The following QRICH1 variants were observed in gnomAD, a reference collection of about 807,000 sequenced individuals.
The protein encoded by QRICH1 is transcriptional regulator QRICH1.
A neutral mutation model predicts 87.1 loss-of-function variants in QRICH1; 16 were observed. The observed-to-expected ratio is 0.18, with a 90% CI of 0.12 to 0.28. The LOEUF (loss-of-function observed/expected upper bound fraction) is 0.28. QRICH1 is among the 10% of genes least tolerant of loss of function. The pLI is 1.00. For synonymous variants in QRICH1, 367 were observed against 368.4 expected (o/e 1.00, Z 0.05); for missense variants, 647 against 951.7 (o/e 0.68, Z 4.21).
Position 49,045,211 on chromosome 3 carries a change from G to GTGCAGT in QRICH1, c.1672-708_1672-707insACTGCA, listed in dbSNP as rs1473399357. The stretch of plus-strand genomic sequence containing the variant: ...TCCTTCAAATAAGTAGTTAGTGCAG[G>GTGCAGT]GAACAATGAGAAGAAAACCTCTATG... On this transcript the variant is annotated intron_variant, in intron 5 of 9. Coordinates refer to ENST00000395443, the MANE Select transcript of QRICH1 (RefSeq NM_198880.3). Among the ~76,000 whole-genome samples, 5 of 151,556 alleles carry GTGCAGT rather than the reference G, an allele frequency of 3.3e-5. No homozygotes were observed. In the East Asian group the frequency reaches 9.7e-4, roughly 29 times the overall value.
At chr3:49,044,585 A>G (rs1575332491) in intron 5 of QRICH1, 81 bp from the exon 6 acceptor site, 1 of 1,023,986 alleles carries the variant, frequency 9.8e-7, no homozygotes, top group Non-Finnish European at 1.5e-6. Flanking sequence ...TTTTTCTACC[A>G]GTACTACTAT....
intron 6 of QRICH1, among the ~76,000 whole-genome samples, chr3:49,034,547 C>T (rs2093262902): frequency 6.6e-6 from 1 of 152,102 alleles, no homozygotes; most frequent in African/African-American, 2.4e-5. Flanking sequence ...CTCTTGGACT[C>T]AAAGACTCCT....
In QRICH1 at chr3:49,030,366, A is replaced by G; in HGVS notation, c.*86T>C. The G allele has an allele frequency of 7.5e-7, 1 of 1,333,662 alleles. No individual in the cohort carries two copies. The highest frequency in any genetic ancestry group is 1.0e-6 in the Non-Finnish European group (1 of 975,686). 82.6% of individuals were successfully genotyped at this position (1,333,662 alleles called of 1,614,324 possible). A position where few individuals can be genotyped will look rare whatever the true frequency, so the allele number is the denominator to read the frequency against. On this transcript the variant is annotated 3_prime_UTR_variant, in exon 10 of 10. Coordinates refer to ENST00000395443, the MANE Select transcript of QRICH1 (RefSeq NM_198880.3). ...CGTAACTACACCAATAAAAAAAAGA[A>G]AAAAAAAAATGGAGGCCTCTTCTTT...
rs761236500 is a variant in QRICH1, at chr3:49,050,736, C to CA, written c.1339-3491dup. ...ACAACAACAACAAAAACCTATTACT[C>CA]AAACAATTTCTTTGAAACAGTTCCA... On this transcript the variant is annotated intron_variant, in intron 3 of 9. Transcript: ENST00000395443. 1.1e-4 allele frequency among the ~76,000 whole-genome samples: 16 copies of CA among 152,012 alleles called. No homozygotes were observed. The East Asian group carries it at 2.9e-3, about 28-fold the overall frequency.
At chr3:49,087,908 T>C (rs1170863783) in intron 1 of QRICH1, among the ~76,000 whole-genome samples, 1 of 149,294 alleles carries the variant, frequency 6.7e-6, no homozygotes, top group African/African-American at 2.5e-5. Flanking sequence ...CTCCTTAAAA[T>C]GGAAATTGAT....
At chr3:49,079,076 T>C (rs1368083701) in intron 1 of QRICH1, among the ~76,000 whole-genome samples, 2 of 151,768 alleles carry the variant, frequency 1.3e-5, no homozygotes, top group African/African-American at 4.8e-5. Flanking sequence ...CTACAAAAAA[T>C]ATATAAAAAT....
intron 2 of QRICH1, among the ~76,000 whole-genome samples, chr3:49,069,107 ATTT>A (rs57230454): frequency 6.5e-5 from 8 of 124,026 alleles, no homozygotes; most frequent in African/African-American, 2.4e-4. Context: ...TATTATTATT[ATTT>A]TTTTTTTTTT....
chr3:49,057,844 A>G lies in QRICH1; in HGVS notation c.356T>C (p.Leu119Pro). 1 of 1,613,914 alleles carries G rather than the reference A, an allele frequency of 6.2e-7. No homozygotes were observed. Among genetic ancestry groups the G allele is most frequent in the South Asian group, 1.1e-5 (1 of 91,064 alleles). ...QQSPQQVSAQLSPQLTVHQPT... is the reference protein window; with the variant it reads ...QQSPQQVSAQPSPQLTVHQPT... ...CTGGTGAACGGTGAGTTGTGGGGAG[A>G]GCTGAGCCGAGACCTGTTGCGGAGA... Residue 119 changes from leucine to proline, a missense_variant, in exon 3 of 10, where the codon CTC becomes CCC. Physicochemically the swap from Leu to Pro is moderately conservative, Grantham distance 98. Around this residue, in one of 7 missense-constraint regions of QRICH1, gnomAD observed 156 missense variants for 164.5 expected, o/e 0.95. Transcript: ENST00000395443. The surrounding 1 kb of genome is among the most constrained non-coding windows in gnomAD (Gnocchi z 5.4).
intron 1 of QRICH1, among the ~76,000 whole-genome samples, chr3:49,090,964 T>C (rs762863439): frequency 2.0e-5 from 3 of 152,228 alleles, no homozygotes; most frequent in Non-Finnish European, 4.4e-5. Flanking sequence ...GGCTCACGCC[T>C]GTAATCCCAG....
intron 2 of QRICH1, among the ~76,000 whole-genome samples, chr3:49,073,602 G>A: frequency 6.6e-6 from 1 of 151,070 alleles, no homozygotes; most frequent in East Asian, 1.9e-4. Flanking sequence ...TCGTCTTTCA[G>A]AAAGTTTATC....
In QRICH1 at chr3:49,046,558, T is replaced by C; in HGVS notation, c.1538A>G (p.Gln513Arg). 1 of 1,613,302 alleles carries C rather than the reference T, an allele frequency of 6.2e-7. No individual in the cohort carries two copies. Among genetic ancestry groups the C allele is most frequent in the Non-Finnish European group, 8.5e-7 (1 of 1,179,806 alleles). Residue 513 changes from glutamine (Q) to arginine (R), a missense_variant, in exon 5 of 10, where the codon CAG becomes CGG. This residue lies in a region of QRICH1 where 187 missense variants were observed against 309.5 expected (regional missense o/e 0.60). Transcript: ENST00000395443. The stretch of plus-strand genomic sequence containing the variant: ...CACAGCAGAGGAGATGAGATCTTCC[T>C]GGAATCGCAGCAGTTGGCGCCCTGC... ...PIGRRQLLRF[Q>R]EDLISSAVAE...
At chr3:49,074,342 G>A (rs2041906674) in intron 2 of QRICH1, among the ~76,000 whole-genome samples, 1 of 151,982 alleles carries the variant, frequency 6.6e-6, no homozygotes, top group Non-Finnish European at 1.5e-5. Context: ...GGAGGCCGAG[G>A]TGGGCGGATC....
At chr3:49,056,664 C>T in intron 3 of QRICH1, 198 bp downstream of exon 3, 3 of 1,020,430 alleles carry the variant, frequency 2.9e-6, no homozygotes, top group Non-Finnish European at 2.9e-6. Context: ...TCTCATTTAC[C>T]TCCAGGTACC....
At chr3:49,089,188 T>C (rs929309633) in intron 1 of QRICH1, among the ~76,000 whole-genome samples, 5 of 151,660 alleles carry the variant, frequency 3.3e-5, no homozygotes, top group Admixed American at 2.6e-4. Flanking sequence ...TCTTCCCGAG[T>C]AGTTGGGATT....
intron 1 of QRICH1, among the ~76,000 whole-genome samples, chr3:49,089,250 G>C (rs920986521): frequency 6.6e-6 from 1 of 151,792 alleles, no homozygotes; most frequent in South Asian, 2.1e-4. Context: ...AGTAGAGACG[G>C]GATTTCACCA....
chr3:49,052,469 G>A (rs1575342546), intron 3 of QRICH1, among the ~76,000 whole-genome samples: 1 of 152,076 alleles, frequency 6.6e-6, no homozygotes, highest in East Asian at 1.9e-4. Flanking sequence ...CAGGCTCCAG[G>A]GCCAGCCCAT....
chr3:49,056,824 G>T, intron 3 of QRICH1, 38 bp downstream of exon 3: 1 of 1,613,936 alleles, frequency 6.2e-7, no homozygotes, highest in South Asian at 1.1e-5. Context: ...GGCCCTGAGG[G>T]ACCAGGCTGC....
intron 1 of QRICH1, among the ~76,000 whole-genome samples, chr3:49,080,966 C>CAAAAAAAAAA (rs34230924): frequency 4.0e-5 from 1 of 24,798 alleles, no homozygotes; most frequent in Admixed American, 6.3e-4. Context: ...AACTCCATCT[C>CAAAAAAAAAA]AAAAAAAAAA....
At chr3:49,037,732 C>CAA (rs1335399505) in intron 6 of QRICH1, among the ~76,000 whole-genome samples, 1 of 130,426 alleles carries the variant, frequency 7.7e-6, no homozygotes, top group African/African-American at 2.8e-5. Context: ...ACTCTGTATC[C>CAA]AAAAAAAAAA....
Sources: allele counts gnomAD v4.1 joint callset (sites outside exome capture counted in the v4.1 genomes callset), GRCh38; gene constraint gnomAD v4.1.1; regional missense constraint gnomAD v4.1.1; non-coding constraint Gnocchi (gnomAD v3.1); transcripts MANE v1.5; gene names NCBI Gene and HGNC (gene_info 2026-07-23, HGNC 2026-07-21).